The following PTPRT variants were observed in gnomAD, a reference collection of about 807,000 sequenced individuals.
The protein encoded by PTPRT is receptor-type tyrosine-protein phosphatase T.
In PTPRT, 56 loss-of-function variants were observed where a neutral mutation model predicts 176.8. The observed-to-expected ratio is 0.32, with a 90% CI of 0.26 to 0.40. The LOEUF is 0.40. Among genes scored for constraint, PTPRT ranks in the 10% least tolerant of loss-of-function variants. The probability of loss-of-function intolerance (pLI) is 1.00; values close to 1 mark genes in which losing one functional copy is unlikely to be tolerated. For synonymous variants in PTPRT, 783 were observed against 739.0 expected (o/e 1.06, Z -0.96); for missense variants, 1,540 against 1,908.2 (o/e 0.81, Z 3.60).
intron 2 of PTPRT, among the ~76,000 whole-genome samples, chr20:42,846,790 A>G (rs529288908): frequency 6.6e-6 from 1 of 152,214 alleles, no homozygotes; most frequent in East Asian, 1.9e-4. Flanking sequence ...GGGCCTGGGG[A>G]CAGAGGTTCC....
chr20:43,095,505 T>G (rs867715456), intron 1 of PTPRT, among the ~76,000 whole-genome samples: 2 of 151,982 alleles, frequency 1.3e-5, no homozygotes, highest in Non-Finnish European at 2.9e-5. Flanking sequence ...TGGCTGGACA[T>G]GTCTGCATGG....
At chr20:43,143,013 A>G (rs144208153) in intron 1 of PTPRT, among the ~76,000 whole-genome samples, 1 of 152,274 alleles carries the variant, frequency 6.6e-6, no homozygotes, top group East Asian at 1.9e-4. Flanking sequence ...GGCCCAGAGA[A>G]CTTGTCTAAC....
At chr20:42,445,065 G>A (rs975180901) in intron 9 of PTPRT, among the ~76,000 whole-genome samples, 4 of 152,238 alleles carry the variant, frequency 2.6e-5, no homozygotes, top group Admixed American at 6.5e-5. Context: ...AAACTGGAGA[G>A]GCCTGAGCTG....
intron 19 of PTPRT, among the ~76,000 whole-genome samples, chr20:42,123,715 G>A (rs777280852): frequency 3.9e-5 from 6 of 152,108 alleles, no homozygotes; most frequent in Non-Finnish European, 5.9e-5. Context: ...GCCATTCCCC[G>A]TGCCTGCTAT....
In PTPRT at chr20:42,642,357, T is replaced by C. The variant is rs550512950; in HGVS notation, c.1153+35509A>G. 9.2e-5 allele frequency among the ~76,000 whole-genome samples: 14 copies of C among 152,334 alleles called. No individual in the cohort carries two copies. In the South Asian group the frequency reaches 2.9e-3, roughly 32 times the overall value. On this transcript the variant is annotated intron_variant, in intron 7 of 30. Transcript: ENST00000373187. ...TGACTGAGAAAGCTCTGATCCTTACTAGTTGTGGGACGTTGACAGAGTTAT... is the reference window on the plus strand; with the variant it reads ...TGACTGAGAAAGCTCTGATCCTTACCAGTTGTGGGACGTTGACAGAGTTAT...
chr20:43,125,454 T>C (rs962687171), intron 1 of PTPRT, among the ~76,000 whole-genome samples: 8 of 152,096 alleles, frequency 5.3e-5, no homozygotes, highest in African/African-American at 1.9e-4. Context: ...GCTCCCCCCA[T>C]GTAAGAGACT....
intron 7 of PTPRT, among the ~76,000 whole-genome samples, chr20:42,532,898 A>G (rs2072410487): frequency 6.6e-6 from 1 of 152,076 alleles, no homozygotes; most frequent in South Asian, 2.1e-4. Flanking sequence ...TACACCCCCA[A>G]TAAAGATGCC....
chr20:42,730,252 A>G (rs6030444), intron 6 of PTPRT, among the ~76,000 whole-genome samples: 22,898 of 152,162 alleles, frequency 0.15, 1,859 homozygotes, highest in Admixed American at 0.18. Flanking sequence ...AGATGGTAGA[A>G]GTTGGGCTTC....
chr20:42,956,686 G>C (rs747592796), intron 1 of PTPRT, among the ~76,000 whole-genome samples: 61 of 152,030 alleles, frequency 4.0e-4, no homozygotes, highest in Admixed American at 1.6e-3. Flanking sequence ...GCTCCCACCT[G>C]GGCAGAAAGG....
chr20:42,100,263 G>A lies in PTPRT; in HGVS notation c.3715-1711C>T, dbSNP rs77774328. ...TTATCTGAAAATATGTTCGAGATCC[G>A]TGCTCCTGCCGGGTTTCAGGGATCA... On this transcript the variant is annotated intron_variant, in intron 26 of 30. Coordinates refer to ENST00000373187, the MANE Select transcript of PTPRT (RefSeq NM_007050.6). Among the ~76,000 whole-genome samples the A allele has an allele frequency of 7.9e-4, 120 of 152,284 alleles. No homozygotes were observed. The East Asian group carries it at 0.016, about 20-fold the overall frequency.
intron 7 of PTPRT, among the ~76,000 whole-genome samples, chr20:42,497,719 C>T (rs2071680363): frequency 6.6e-6 from 1 of 152,026 alleles, no homozygotes; most frequent in African/African-American, 2.4e-5. Flanking sequence ...CCTTTTACTC[C>T]AATGATATTA....
rs1193529047 is a variant in PTPRT, at chr20:42,916,835, G to T, written c.89-30903C>A. ...TTGTTTTTTTCTTGTAAATTTGTTT[G>T]AGCTCATTGTAGATTCTGGATATTA... On this transcript the variant is annotated intron_variant, in intron 1 of 30. Transcript: ENST00000373187. Among the ~76,000 whole-genome samples the T allele has an allele frequency of 1.3e-4, 20 of 151,862 alleles. No individual in the cohort carries two copies. In the South Asian group the frequency reaches 4.0e-3, roughly 30 times the overall value.
intron 12 of PTPRT, among the ~76,000 whole-genome samples, chr20:42,313,285 G>T (rs887876931): frequency 6.6e-6 from 1 of 152,126 alleles, no homozygotes; most frequent in Admixed American, 6.5e-5. Flanking sequence ...AGCCCTCAGG[G>T]ATGCTCTGTC....
At chr20:43,160,829 C>A (rs954099410) in intron 1 of PTPRT, among the ~76,000 whole-genome samples, 1 of 151,988 alleles carries the variant, frequency 6.6e-6, no homozygotes, top group African/African-American at 2.4e-5. Flanking sequence ...TGGCCCTGTA[C>A]TGCTTCCTGG....
intron 1 of PTPRT, among the ~76,000 whole-genome samples, chr20:42,955,837 AGGAGGGAGGGAGGGAGAAGGAG>A (rs1568699641): frequency 2.3e-5 from 2 of 88,200 alleles, no homozygotes; most frequent in Admixed American, 1.6e-4. Context: ...GTGAGGGAGA[AGGAGGGAGGGAGGGAGAAGGAG>A]GGAGGGAGGG....
At chr20:42,429,203 T>C (rs533897255) in intron 9 of PTPRT, among the ~76,000 whole-genome samples, 1 of 152,100 alleles carries the variant, frequency 6.6e-6, no homozygotes, top group Non-Finnish European at 1.5e-5. Flanking sequence ...ACAAAATGCA[T>C]GATGATAAGC....
intron 2 of PTPRT, among the ~76,000 whole-genome samples, chr20:42,797,660 A>G (rs2077471338): frequency 6.6e-6 from 1 of 152,130 alleles, no homozygotes; most frequent in Non-Finnish European, 1.5e-5. Context: ...CAAGAGAATT[A>G]AGGTTCAGAT....
intron 1 of PTPRT, among the ~76,000 whole-genome samples, chr20:42,914,274 C>T (rs1402320928): frequency 6.6e-6 from 1 of 152,162 alleles, no homozygotes; most frequent in Non-Finnish European, 1.5e-5. Context: ...CCACCCTACT[C>T]ATGTCAGGTT....
intron 12 of PTPRT, among the ~76,000 whole-genome samples, chr20:42,284,081 A>C (rs1206287470): frequency 2.6e-5 from 4 of 152,030 alleles, no homozygotes; most frequent in East Asian, 1.9e-4. Context: ...TAAGAGTTCA[A>C]GTCTTTTGAG....
Sources: allele counts gnomAD v4.1 joint callset (sites outside exome capture counted in the v4.1 genomes callset), GRCh38; gene constraint gnomAD v4.1.1; transcripts MANE v1.5; gene names NCBI Gene and HGNC (gene_info 2026-07-23, HGNC 2026-07-21).